The following ADGRL3 variants were observed in gnomAD, a reference collection of about 807,000 sequenced individuals.
ADGRL3 encodes calcium-independent alpha-latrotoxin receptor 3.
Under a neutral mutation model 153.5 loss-of-function variants are expected in ADGRL3, and 62 were observed. The observed-to-expected ratio is 0.40, with a 90% CI of 0.33 to 0.50. ADGRL3 has a LOEUF of 0.50. ADGRL3 is among the 20% of genes least tolerant of loss of function. The pLI is 0.47. For missense variants in ADGRL3, 1,641 were observed against 1,859.4 expected, an observed-to-expected ratio of 0.88 and a Z score of 2.16; for synonymous variants, 710 against 672.5, an observed-to-expected ratio of 1.06 and a Z score of -0.86.
At chr4:61,379,024 TTCTG>T (rs750883823) in intron 1 of ADGRL3, among the ~76,000 whole-genome samples, 43 of 152,024 alleles carry the variant, frequency 2.8e-4, no homozygotes, top group Non-Finnish European at 1.0e-4. Context: ...AAAATTTATT[TTCTG>T]TCTATTTTAC....
Position 61,663,428 on chromosome 4 carries a change from C to T in ADGRL3, c.474-13398C>T, listed in dbSNP as rs186722289. 8.7e-4 allele frequency among the ~76,000 whole-genome samples: 132 copies of T among 152,362 alleles called. 2 individuals are homozygous for T. Among genetic ancestry groups the T allele is most frequent in the African/African-American group, 3.1e-3 (129 of 41,596 alleles). ...CCACAGCCTCGCTGGGAGCTGGCAC[C>T]TGTGCTGCTGCCCAAAGGTGCCTAC... On this transcript the variant is annotated intron_variant, in intron 5 of 26. Coordinates refer to ENST00000683033, the MANE Select transcript of ADGRL3 (RefSeq NM_001387552.1).
intron 9 of ADGRL3, among the ~76,000 whole-genome samples, chr4:61,874,598 T>G (rs951161500): frequency 5.3e-5 from 2 of 37,502 alleles, no homozygotes; most frequent in East Asian, 2.8e-4. Context: ...TTGCATGTGT[T>G]TTTTTTTTTT....
At position 61,677,151 on chromosome 4, in the gene ADGRL3, A is replaced by G. The variant is rs1279629212; in HGVS notation, c.583+216A>G. ...GGCATTTACTTGTGATTATTTCTGTATATGAATACGTGTTCTAACACACTT... is the reference window on the plus strand; with the variant it reads ...GGCATTTACTTGTGATTATTTCTGTGTATGAATACGTGTTCTAACACACTT... On this transcript the variant is annotated intron_variant, in intron 6 of 26. Transcript: ENST00000683033. 19 of 492,962 alleles carry G rather than the reference A, an allele frequency of 3.9e-5. No individual in the cohort carries two copies. The South Asian group carries it at 4.2e-4, about 11-fold the overall frequency. 30.5% of individuals were successfully genotyped at this position (492,962 alleles called of 1,614,324 possible). A position where few individuals can be genotyped will look rare whatever the true frequency, so the allele number is the denominator to read the frequency against.
At chr4:61,748,246 G>A (rs977112402) in intron 8 of ADGRL3, among the ~76,000 whole-genome samples, 5 of 152,120 alleles carry the variant, frequency 3.3e-5, no homozygotes, top group African/African-American at 9.7e-5. Context: ...ATGCTCATGG[G>A]TAGGAAGAAT....
intron 11 of ADGRL3, among the ~76,000 whole-genome samples, chr4:61,908,169 T>C (rs1324644860): frequency 6.6e-6 from 1 of 151,872 alleles, no homozygotes; most frequent in African/African-American, 2.4e-5. Context: ...CCCAGCTACA[T>C]TGGAGGATGA....
Position 61,201,536 on chromosome 4 carries a change from G to GA in ADGRL3, c.-466dup, listed in dbSNP as rs1734671169. 6.6e-6 allele frequency: 1 copy of GA among 152,268 alleles called. No homozygotes were observed. The highest frequency in any genetic ancestry group is 2.1e-4 in the South Asian group (1 of 4,834). The allele number at this position is 152,268 out of a possible 1,614,324, so 9.4% of individuals were successfully genotyped here. ...CTTTCTCCGTGGCTGTGTAGCGGAA[G>GA]AAAGGGAAGAGAGACTTTTTGTTGT... On this transcript the variant is annotated 5_prime_UTR_variant, in exon 1 of 27. Coordinates refer to ENST00000683033, the MANE Select transcript of ADGRL3 (RefSeq NM_001387552.1).
intron 14 of ADGRL3, 33 bp from the exon 15 acceptor site, chr4:61,935,890 C>A: frequency 6.4e-7 from 1 of 1,562,774 alleles, no homozygotes; most frequent in South Asian, 1.2e-5. Context: ...GTATGTTTCT[C>A]AATGAGCACT....
intron 1 of ADGRL3, among the ~76,000 whole-genome samples, chr4:61,285,067 A>G (rs1505684): frequency 0.97 from 147,278 of 151,742 alleles, 71,635 homozygotes; most frequent in East Asian, 1. Context: ...ATGGAGTCTC[A>G]TAATGAGAGA....
Position 61,615,792 on chromosome 4 carries a change from T to C in ADGRL3, c.473+28352T>C, listed in dbSNP as rs141477671. ...GACTATATGTGTATGTATTTATATG[T>C]ATATATATATGGTACTAAAAATTTC... On this transcript the variant is annotated intron_variant, in intron 5 of 26. Transcript: ENST00000683033. Among the ~76,000 whole-genome samples the C allele has an allele frequency of 1.4e-3, 210 of 152,060 alleles. 1 individual carries two copies. Among genetic ancestry groups the C allele is most frequent in the African/African-American group, 5.0e-3 (206 of 41,486 alleles).
At chr4:61,410,090 A>C (rs2097065525) in intron 2 of ADGRL3, among the ~76,000 whole-genome samples, 1 of 152,056 alleles carries the variant, frequency 6.6e-6, no homozygotes, top group South Asian at 2.1e-4. Context: ...GAATAAGTTA[A>C]ATTGTGAAAG....
chr4:61,478,869 T>A (rs999075072), intron 2 of ADGRL3, among the ~76,000 whole-genome samples: 1 of 152,144 alleles, frequency 6.6e-6, no homozygotes, highest in Non-Finnish European at 1.5e-5. Flanking sequence ...AAAACACAAA[T>A]TTTATTTCAG....
chr4:61,723,720 T>A (rs2096279395), intron 6 of ADGRL3, among the ~76,000 whole-genome samples: 1 of 152,106 alleles, frequency 6.6e-6, no homozygotes, highest in African/African-American at 2.4e-5. Flanking sequence ...GGAACCGCCA[T>A]GTTGGGTGGA....
chr4:61,697,224 T>G (rs1186130164), intron 6 of ADGRL3, among the ~76,000 whole-genome samples: 1 of 152,040 alleles, frequency 6.6e-6, no homozygotes, highest in Non-Finnish European at 1.5e-5. Context: ...ATATGACATA[T>G]CAGGTTTTAT....
chr4:61,682,127 C>A (rs1437668674), intron 6 of ADGRL3, among the ~76,000 whole-genome samples: 3 of 151,994 alleles, frequency 2.0e-5, no homozygotes, highest in Non-Finnish European at 4.4e-5. Flanking sequence ...ATTTCAGTTT[C>A]TCCAAATTAC....
At chr4:61,547,696 A>G (rs2098720421) in intron 4 of ADGRL3, among the ~76,000 whole-genome samples, 1 of 152,132 alleles carries the variant, frequency 6.6e-6, no homozygotes, top group Admixed American at 6.5e-5. Flanking sequence ...GCTACTGTGA[A>G]TACTGCTGCA....
chr4:61,211,085 T>A (rs1739771854), intron 1 of ADGRL3, among the ~76,000 whole-genome samples: 1 of 152,216 alleles, frequency 6.6e-6, no homozygotes, highest in Non-Finnish European at 1.5e-5. Flanking sequence ...TATGATAGTA[T>A]CTAAGTTATA....
rs536654210 is a variant in ADGRL3 at position 61,789,045 on chromosome 4, A to G, written c.1400-24764A>G. 6.0e-4 allele frequency among the ~76,000 whole-genome samples: 91 copies of G among 152,330 alleles called. 1 individual carries two copies. The highest frequency in any genetic ancestry group is 3.4e-3 in the Middle Eastern group (1 of 294). ...CAACATTTTAATCAAATTTATCAAAAGAGTCATAATATTAGAAATTCATGC... is the reference window on the plus strand; with the variant it reads ...CAACATTTTAATCAAATTTATCAAAGGAGTCATAATATTAGAAATTCATGC... On this transcript the variant is annotated intron_variant, in intron 8 of 26. Coordinates refer to ENST00000683033, the MANE Select transcript of ADGRL3 (RefSeq NM_001387552.1).
At chr4:61,579,157 G>C (rs905128179) in intron 4 of ADGRL3, among the ~76,000 whole-genome samples, 1 of 152,048 alleles carries the variant, frequency 6.6e-6, no homozygotes, top group African/African-American at 2.4e-5. Flanking sequence ...CTAATGTGAA[G>C]GGAGACTTCA....
At chr4:61,893,401 G>C (rs1391178671) in intron 10 of ADGRL3, among the ~76,000 whole-genome samples, 2 of 152,104 alleles carry the variant, frequency 1.3e-5, no homozygotes, top group African/African-American at 4.8e-5. Context: ...GCAGTCCAGA[G>C]GGGATCACTT....
Sources: allele counts gnomAD v4.1 joint callset (sites outside exome capture counted in the v4.1 genomes callset), GRCh38; gene constraint gnomAD v4.1.1; transcripts MANE v1.5; gene names NCBI Gene and HGNC (gene_info 2026-07-23, HGNC 2026-07-21).